Variants in ESRRB observed in about 807,000 individuals in gnomAD.
ESRRB encodes steroid hormone receptor ERR2.
A neutral mutation model predicts 46.0 loss-of-function variants in ESRRB; 16 were observed. The ratio of observed to expected loss-of-function variants is 0.35; its 90% CI spans 0.24 to 0.53. ESRRB has a LOEUF of 0.53. Among genes scored for constraint, ESRRB ranks in the 20% least tolerant of loss-of-function variants. The probability of loss-of-function intolerance (pLI) is 0.93; values close to 1 mark genes in which losing one functional copy is unlikely to be tolerated. For missense variants in ESRRB, 488 were observed against 607.4 expected (o/e 0.80, Z 2.07); for synonymous variants, 246 against 259.6 (o/e 0.95, Z 0.50).
chr14:76,401,476 T>C (rs910825154), intron 1 of ESRRB, among the ~76,000 whole-genome samples: 3 of 152,140 alleles, frequency 2.0e-5, no homozygotes, highest in African/African-American at 7.2e-5. Context: ...TCCTGGGGAG[T>C]TCGCCAAAGA....
chr14:76,397,731 C>T (rs529548367), intron 1 of ESRRB, among the ~76,000 whole-genome samples: 11 of 152,164 alleles, frequency 7.2e-5, no homozygotes, highest in African/African-American at 2.4e-4. Flanking sequence ...GTAGCGAGAC[C>T]TTGTCTCTAT....
intron 6 of ESRRB, 102 bp from the exon 7 acceptor site, chr14:76,498,112 A>T: frequency 7.4e-7 from 1 of 1,359,952 alleles, no homozygotes; most frequent in Non-Finnish European, 1.1e-6. Flanking sequence ...TTCTGAAGAT[A>T]CCCCTGCCTG....
intron 3 of ESRRB, among the ~76,000 whole-genome samples, chr14:76,469,100 AT>A (rs982555556): frequency 1.3e-5 from 2 of 149,552 alleles, no homozygotes; most frequent in Non-Finnish European, 3.0e-5. Flanking sequence ...TCCTTTATTT[AT>A]TTTTTTTTCT....
At chr14:76,487,200 C>A (rs895082154) in intron 5 of ESRRB, among the ~76,000 whole-genome samples, 24 of 152,174 alleles carry the variant, frequency 1.6e-4, no homozygotes, top group African/African-American at 5.8e-4. Context: ...GTAGCACTTA[C>A]CTGGCAAAGC....
At chr14:76,413,104 C>G (rs1459169367) in intron 1 of ESRRB, among the ~76,000 whole-genome samples, 1 of 152,160 alleles carries the variant, frequency 6.6e-6, no homozygotes, top group Non-Finnish European at 1.5e-5. Flanking sequence ...CGGTGACCAC[C>G]CTACCCAGAC....
chr14:76,330,187 A>C (rs1883995942), intron 1 of ESRRB, among the ~76,000 whole-genome samples: 2 of 152,082 alleles, frequency 1.3e-5, no homozygotes, highest in African/African-American at 4.8e-5. Flanking sequence ...GGGATCTAGG[A>C]AGCAGGGCAG....
At chr14:76,452,620 CA>C (rs766430065) in intron 2 of ESRRB, among the ~76,000 whole-genome samples, 1 of 39,274 alleles carries the variant, frequency 2.5e-5, no homozygotes. Context: ...ACTCTGTCTC[CA>C]AAAAAAAAAA....
rs549623003 is a variant in ESRRB, at chr14:76,426,618, C to T, written c.51-12723C>T. ...GATGGTAAAATGTGGAAAAATGGTA[C>T]AGCTCGGAGTCAATGAACTATGGTA... On this transcript the variant is annotated intron_variant, in intron 1 of 6. Coordinates refer to ENST00000644823, the MANE Select transcript of ESRRB (RefSeq NM_001379180.1). Among the ~76,000 whole-genome samples the T allele has an allele frequency of 8.1e-4, 123 of 152,236 alleles. 1 individual carries two copies. The highest frequency in any genetic ancestry group is 2.9e-5 in the Non-Finnish European group (2 of 68,022).
intron 1 of ESRRB, among the ~76,000 whole-genome samples, chr14:76,407,208 G>C (rs528025987): frequency 9.9e-5 from 15 of 152,280 alleles, no homozygotes; most frequent in African/African-American, 3.4e-4. Flanking sequence ...CAGTCGGTTG[G>C]GGGCAGAGAC....
intron 6 of ESRRB, 138 bp downstream of exon 6, chr14:76,491,854 G>A (rs1890246469): frequency 9.2e-7 from 1 of 1,087,204 alleles, no homozygotes; most frequent in Admixed American, 2.9e-5. Context: ...TTTTATTACT[G>A]AAGATTGTCC....
At chr14:76,331,767 G>A (rs1884016330) in intron 1 of ESRRB, among the ~76,000 whole-genome samples, 1 of 151,622 alleles carries the variant, frequency 6.6e-6, no homozygotes, top group Non-Finnish European at 1.5e-5. Context: ...CTTTCTGCTT[G>A]GTTTGGGTTG....
At chr14:76,381,873 C>A (rs1885027129) in intron 1 of ESRRB, among the ~76,000 whole-genome samples, 1 of 152,164 alleles carries the variant, frequency 6.6e-6, no homozygotes, top group Admixed American at 6.5e-5. Flanking sequence ...AACAAAAGGA[C>A]ACAAAAACAC....
chr14:76,311,749 G>A (rs2139717350), intron 1 of ESRRB, among the ~76,000 whole-genome samples: 1 of 152,316 alleles, frequency 6.6e-6, no homozygotes, highest in East Asian at 1.9e-4. Context: ...AGCTGTGCTT[G>A]TTTCAGACAA....
intron 3 of ESRRB, among the ~76,000 whole-genome samples, chr14:76,474,565 G>A (rs968156404): frequency 6.6e-6 from 1 of 152,230 alleles, no homozygotes; most frequent in Non-Finnish European, 1.5e-5. Context: ...CACCGGCCAT[G>A]TACTGTGGCT....
At chr14:76,316,388 A>T (rs115575191) in intron 1 of ESRRB, among the ~76,000 whole-genome samples, 160 of 152,224 alleles carry the variant, frequency 1.1e-3, no homozygotes, top group African/African-American at 3.7e-3. Context: ...AGTGTCCCAT[A>T]TCCTCACTCC....
chr14:76,404,928 C>T (rs1397182049), intron 1 of ESRRB, among the ~76,000 whole-genome samples: 1 of 152,098 alleles, frequency 6.6e-6, no homozygotes, highest in South Asian at 2.1e-4. Context: ...CCCAGGAAGC[C>T]CCTCAGAAGG....
chr14:76,311,353 C>G (rs1484035740), intron 1 of ESRRB, among the ~76,000 whole-genome samples: 2 of 152,108 alleles, frequency 1.3e-5, no homozygotes, highest in Non-Finnish European at 2.9e-5. Context: ...GGAAGGTTAC[C>G]CAAGAAGACC....
At chr14:76,479,354 G>A (rs1566609084) in intron 3 of ESRRB, among the ~76,000 whole-genome samples, 1 of 152,316 alleles carries the variant, frequency 6.6e-6, no homozygotes, top group East Asian at 1.9e-4. Context: ...GCAGCCGGTA[G>A]CTGGGAGCCT....
chr14:76,420,179 T>C (rs1401545867), intron 1 of ESRRB, among the ~76,000 whole-genome samples: 2 of 152,208 alleles, frequency 1.3e-5, no homozygotes, highest in Non-Finnish European at 2.9e-5. Flanking sequence ...AGCGGGCAGC[T>C]TCCCAGGTAA....
Sources: allele counts gnomAD v4.1 joint callset (sites outside exome capture counted in the v4.1 genomes callset), GRCh38; gene constraint gnomAD v4.1.1; transcripts MANE v1.5; gene names NCBI Gene and HGNC (gene_info 2026-07-23, HGNC 2026-07-21).